ANK2: variants seen among roughly 807,000 people sequenced by gnomAD.
The protein encoded by ANK2 is ankyrin 2.
Under a neutral mutation model 360.5 loss-of-function variants are expected in ANK2, and 83 were observed. The ratio of observed to expected loss-of-function variants is 0.23; its 90% CI spans 0.19 to 0.28. The LOEUF (loss-of-function observed/expected upper bound fraction) is 0.28. ANK2 is among the 10% of genes least tolerant of loss of function. The probability of loss-of-function intolerance (pLI) is 1.00; values close to 1 mark genes in which losing one functional copy is unlikely to be tolerated. For missense variants in ANK2, 4,201 were observed against 4,795.7 expected (o/e 0.88, Z 3.66); for synonymous variants, 1,740 against 1,759.5 (o/e 0.99, Z 0.28).
chr4:113,279,290 C>T (rs556275892), intron 17 of ANK2, among the ~76,000 whole-genome samples: 1 of 152,222 alleles, frequency 6.6e-6, no homozygotes, highest in East Asian at 1.9e-4. Context: ...AATATTTATG[C>T]TATATTAGAC....
At chr4:112,754,095 C>G in the ANK2 span, among the ~76,000 whole-genome samples, 1 of 107,050 alleles carries the variant, frequency 9.3e-6, no homozygotes, top group Non-Finnish European at 1.7e-5. Context: ...GAGACTCTGT[C>G]TCAAAAAAAA....
At chr4:113,280,205 T>C (rs2061752405) in intron 17 of ANK2, among the ~76,000 whole-genome samples, 1 of 151,934 alleles carries the variant, frequency 6.6e-6, no homozygotes, top group Admixed American at 6.6e-5. Flanking sequence ...CAATGGGAGG[T>C]AAAATTGTAA....
intron 26 of ANK2, chr4:113,323,752 G>C (rs2153882771): frequency 6.2e-7 from 1 of 1,610,768 alleles, no homozygotes. Flanking sequence ...TATCTATTCT[G>C]TTGCAGCCGC....
the ANK2 span, among the ~76,000 whole-genome samples, chr4:112,756,699 C>G: frequency 6.6e-6 from 1 of 152,222 alleles, no homozygotes; most frequent in South Asian, 2.1e-4. Context: ...AAAATTAGAT[C>G]TTGTGGCTCA....
intron 9 of ANK2, 46 bp from the exon 10 acceptor site, chr4:113,249,718 T>A (rs2045083282): frequency 3.8e-6 from 6 of 1,577,928 alleles, no homozygotes; most frequent in Non-Finnish European, 5.2e-6. Flanking sequence ...GAAATATAGA[T>A]TTTTTTGAAG....
At chr4:113,101,775 C>A (rs1014973476) in intron 1 of ANK2, among the ~76,000 whole-genome samples, 12 of 152,132 alleles carry the variant, frequency 7.9e-5, no homozygotes, top group African/African-American at 2.7e-4. Context: ...ACAAGGAGAC[C>A]TGGTTTGGCT....
chr4:112,923,568 A>G (rs879443106), intron 2 of ANK2, among the ~76,000 whole-genome samples: 5 of 152,196 alleles, frequency 3.3e-5, no homozygotes, highest in Non-Finnish European at 5.9e-5. Flanking sequence ...TCTTTTGCAA[A>G]TATGAATTAG....
intron 1 of ANK2, among the ~76,000 whole-genome samples, chr4:112,833,187 A>C (rs901069696): frequency 1.3e-5 from 2 of 152,238 alleles, no homozygotes; most frequent in African/African-American, 4.8e-5. Flanking sequence ...TGGAATACAG[A>C]ATTATAAAAA....
chr4:112,971,435 C>T (rs2039483640), intron 2 of ANK2, among the ~76,000 whole-genome samples: 1 of 152,124 alleles, frequency 6.6e-6, no homozygotes, highest in Non-Finnish European at 1.5e-5. Flanking sequence ...GAGATTCAGA[C>T]AATTTTTCTG....
At chr4:113,043,783 G>T (rs375538318) in intron 2 of ANK2, among the ~76,000 whole-genome samples, 1 of 152,256 alleles carries the variant, frequency 6.6e-6, no homozygotes, top group African/African-American at 2.4e-5. Context: ...AGACTACCAT[G>T]GTCAGAACAA....
At chr4:112,827,226 G>C in intron 1 of ANK2, 1 of 1,073,890 alleles carries the variant, frequency 9.3e-7, no homozygotes, top group Non-Finnish European at 1.5e-6. Flanking sequence ...ATCAATTGGA[G>C]AAGCAGAGAA....
chr4:113,021,631 T>C (rs2058217985), intron 2 of ANK2, among the ~76,000 whole-genome samples: 1 of 148,620 alleles, frequency 6.7e-6, no homozygotes, highest in South Asian at 2.1e-4. Flanking sequence ...ACACTGTCTT[T>C]ATAAGGAGAT....
chr4:113,101,751 T>A (rs1281485009), intron 1 of ANK2, among the ~76,000 whole-genome samples: 1 of 152,112 alleles, frequency 6.6e-6, no homozygotes, highest in Non-Finnish European at 1.5e-5. Context: ...CACAGGTTTG[T>A]ATAAGAGAGT....
intron 2 of ANK2, among the ~76,000 whole-genome samples, chr4:112,917,305 A>G (rs1448370689): frequency 3.3e-5 from 5 of 152,218 alleles, no homozygotes; most frequent in Non-Finnish European, 7.3e-5. Flanking sequence ...CAATTCTACA[A>G]ACTTTTAATG....
At chr4:112,868,431 G>A (rs2071527126) in intron 1 of ANK2, among the ~76,000 whole-genome samples, 1 of 152,218 alleles carries the variant, frequency 6.6e-6, no homozygotes, top group Non-Finnish European at 1.5e-5. Flanking sequence ...GAGAGCAAAT[G>A]AGCCAAACTC....
chr4:113,124,106 A>G (rs2095525859), intron 1 of ANK2, among the ~76,000 whole-genome samples: 1 of 152,218 alleles, frequency 6.6e-6, no homozygotes, highest in Admixed American at 6.5e-5. Context: ...AAGCTCAAAC[A>G]GGTGGAGAAG....
intron 15 of ANK2, among the ~76,000 whole-genome samples, chr4:113,276,708 T>C (rs2060371806): frequency 2.0e-5 from 3 of 152,180 alleles, no homozygotes; most frequent in African/African-American, 7.2e-5. Flanking sequence ...GATTTATTAA[T>C]ACCAAATGTT....
chr4:112,939,071 T>C (rs2093990910), intron 2 of ANK2, among the ~76,000 whole-genome samples: 1 of 152,214 alleles, frequency 6.6e-6, no homozygotes, highest in African/African-American at 2.4e-5. Flanking sequence ...TTTTGTGCGT[T>C]ATAGTTTTGT....
chr4:112,947,948 A>G (rs1291355408), intron 2 of ANK2, among the ~76,000 whole-genome samples: 6 of 152,206 alleles, frequency 3.9e-5, no homozygotes, highest in African/African-American at 1.4e-4. Flanking sequence ...TAAGATATTC[A>G]TTAACCTATG....
Sources: gnomAD v4.1 joint callset for allele counts (sites outside exome capture counted in the v4.1 genomes callset) on GRCh38, gnomAD v4.1.1 for gene constraint, MANE v1.5 for transcripts, NCBI Gene and HGNC (gene_info 2026-07-23, HGNC 2026-07-21) for gene names.